The following TMEM38B variants were observed in gnomAD, a reference collection of about 807,000 sequenced individuals.
TMEM38B encodes the protein trimeric intracellular cation channel type B.
TMEM38B carries 24 observed loss-of-function variants against 28.7 expected under a neutral mutation model. The observed-to-expected ratio is 0.84, with a 90% CI of 0.61 to 1.18. The LOEUF (loss-of-function observed/expected upper bound fraction) is 1.18. TMEM38B is among the 50% of genes most tolerant of loss of function. The probability of loss-of-function intolerance (pLI) is 0.00; values close to 1 mark genes in which losing one functional copy is unlikely to be tolerated. For synonymous variants in TMEM38B, 131 were observed against 127.7 expected (o/e 1.03, Z -0.17); for missense variants, 380 against 350.9 (o/e 1.08, Z -0.66).
intron 2 of TMEM38B, among the ~76,000 whole-genome samples, chr9:105,717,237 A>C (rs1187455980): frequency 6.6e-6 from 1 of 152,198 alleles, no homozygotes; most frequent in Non-Finnish European, 1.5e-5. Flanking sequence ...CATTATCTTC[A>C]ACTTCATGAT....
intron 1 of TMEM38B, among the ~76,000 whole-genome samples, chr9:105,697,246 T>C (rs536713870): frequency 6.6e-6 from 1 of 152,324 alleles, no homozygotes; most frequent in Non-Finnish European, 1.5e-5. Flanking sequence ...AGCATTAATC[T>C]GTTTACTAAT....
intron 5 of TMEM38B, among the ~76,000 whole-genome samples, chr9:105,764,372 A>C (rs555113425): frequency 1.4e-3 from 208 of 152,246 alleles, no homozygotes; most frequent in African/African-American, 4.4e-3. Flanking sequence ...CTGATAAGCA[A>C]CTTCAGCAAA....
intron 5 of TMEM38B, 85 bp from the exon 6 acceptor site, chr9:105,773,780 T>G (rs377356068): frequency 7.5e-7 from 1 of 1,341,186 alleles, no homozygotes; most frequent in East Asian, 2.3e-5. Flanking sequence ...AATAATGCAT[T>G]TTGATTTTTT....
chr9:105,763,812 C>T (rs1242236383), intron 5 of TMEM38B, among the ~76,000 whole-genome samples: 2 of 151,670 alleles, frequency 1.3e-5, no homozygotes, highest in South Asian at 4.2e-4. Flanking sequence ...CCTTGATGAA[C>T]ATTGATGCAA....
rs757068271 is a variant in TMEM38B, at chr9:105,705,562, A to G, written c.113-35A>G. On this transcript the variant is annotated intron_variant, in intron 1 of 5. Coordinates refer to ENST00000374692, the MANE Select transcript of TMEM38B (RefSeq NM_018112.3). ...TTGGGGCTTGTTTAATAAATGTATA[A>G]TGATCACAGACCATATTTTACTTTA... 8.2e-6 allele frequency: 13 copies of G among 1,580,754 alleles called. No individual in the cohort carries two copies. The African/African-American group carries it at 9.5e-5, about 12-fold the overall frequency.
chr9:105,758,546 A>G (rs565113460), intron 5 of TMEM38B: 2 of 1,232,768 alleles, frequency 1.6e-6, no homozygotes, highest in Non-Finnish European at 2.4e-6. Context: ...AGACTATCCA[A>G]CTGTTGAGGA....
chr9:105,762,762 G>T (rs1466939990), intron 5 of TMEM38B, among the ~76,000 whole-genome samples: 1 of 148,532 alleles, frequency 6.7e-6, no homozygotes, highest in Non-Finnish European at 1.5e-5. Flanking sequence ...TAGTCCTTTG[G>T]GTATATACCC....
intron 5 of TMEM38B, among the ~76,000 whole-genome samples, chr9:105,762,874 A>G (rs1457634891): frequency 6.8e-6 from 1 of 146,022 alleles, no homozygotes; most frequent in East Asian, 2.0e-4. Flanking sequence ...AGTCCCACCA[A>G]CAGTGTAAAA....
At chr9:105,772,675 A>T (rs754195665) in intron 5 of TMEM38B, among the ~76,000 whole-genome samples, 30 of 152,094 alleles carry the variant, frequency 2.0e-4, no homozygotes, top group African/African-American at 4.6e-4. Flanking sequence ...TTTTTTTTTT[A>T]AAAATTGAGT....
intron 3 of TMEM38B, among the ~76,000 whole-genome samples, chr9:105,722,130 G>C (rs1836340822): frequency 6.6e-6 from 1 of 151,882 alleles, no homozygotes; most frequent in South Asian, 2.1e-4. Flanking sequence ...ATTGACTATG[G>C]GTTCATGATC....
In TMEM38B at chr9:105,721,771, T is replaced by A. The variant is rs549476634; in HGVS notation, c.454+50T>A. ...AAATATTCTGTTGTTGGTGTATTAT[T>A]AATACCATTACTGAACAATTCTCTA... On this transcript the variant is annotated intron_variant, in intron 3 of 5. Coordinates refer to ENST00000374692, the MANE Select transcript of TMEM38B (RefSeq NM_018112.3). 296 of 1,380,156 alleles carry A rather than the reference T, an allele frequency of 2.1e-4. No individual in the cohort carries two copies. In the African/African-American group the frequency reaches 2.5e-3, roughly 12 times the overall value. The allele number at this position is 1,380,156 out of a possible 1,614,324, so 85.5% of individuals were successfully genotyped here.
At chr9:105,720,995 T>A (rs183733005) in intron 2 of TMEM38B, among the ~76,000 whole-genome samples, 36 of 152,326 alleles carry the variant, frequency 2.4e-4, no homozygotes, top group African/African-American at 8.4e-4. Context: ...AAATGTGTTT[T>A]TCCTTAATAC....
In TMEM38B at chr9:105,776,216, G is replaced by C. The variant is rs1826716216; in HGVS notation, c.*2136G>C. 1 of 151,892 alleles carries C rather than the reference G, an allele frequency of 6.6e-6. No individual in the cohort carries two copies. Among genetic ancestry groups the C allele is most frequent in the Non-Finnish European group, 1.5e-5 (1 of 67,950 alleles). 9.4% of individuals were successfully genotyped at this position (151,892 alleles called of 1,614,324 possible). A position where few individuals can be genotyped will look rare whatever the true frequency, so the allele number is the denominator to read the frequency against. ...CTTAAAAAAAAAAAGGAGACAAAAA[G>C]CTGGCAAGAACATGAGCCAGCTTCC... On this transcript the variant is annotated 3_prime_UTR_variant, in exon 6 of 6. Transcript: ENST00000374692.
chr9:105,721,774 T>C, intron 3 of TMEM38B, 53 bp downstream of exon 3: 5 of 1,350,966 alleles, frequency 3.7e-6, no homozygotes, highest in Non-Finnish European at 5.1e-6. Flanking sequence ...GTATTATTAA[T>C]ACCATTACTG....
rs1836900867 is a variant in TMEM38B at position 105,734,633 on chromosome 9, A to G, written c.542+12012A>G. On this transcript the variant is annotated intron_variant, in intron 4 of 5. Transcript: ENST00000374692. ...TTGCTCCAATGTTGGGAACATATAT[A>G]TTTATAATTATTATGTCTTCTTGAT... 2.6e-5 allele frequency among the ~76,000 whole-genome samples: 4 copies of G among 152,056 alleles called. No individual in the cohort carries two copies. In the South Asian group the frequency reaches 8.3e-4, roughly 31 times the overall value.
intron 4 of TMEM38B, among the ~76,000 whole-genome samples, chr9:105,732,229 T>C (rs976257816): frequency 1.3e-4 from 20 of 152,208 alleles, no homozygotes; most frequent in African/African-American, 3.4e-4. Context: ...GATGGGTAGA[T>C]TGCAAAAATT....
At chr9:105,744,856 C>T (rs563790473) in intron 4 of TMEM38B, among the ~76,000 whole-genome samples, 21 of 152,088 alleles carry the variant, frequency 1.4e-4, no homozygotes, top group African/African-American at 4.3e-4. Flanking sequence ...TTGGTCCTTG[C>T]GATAGTTTGC....
At chr9:105,769,997 C>T (rs1220744417) in intron 5 of TMEM38B, among the ~76,000 whole-genome samples, 1 of 152,072 alleles carries the variant, frequency 6.6e-6, no homozygotes, top group Non-Finnish European at 1.5e-5. Flanking sequence ...GAAGTGTCTT[C>T]AGGTAATGTA....
intron 5 of TMEM38B, among the ~76,000 whole-genome samples, chr9:105,751,628 C>T (rs1837655670): frequency 6.6e-6 from 1 of 152,216 alleles, no homozygotes; most frequent in South Asian, 2.1e-4. Context: ...TAATTTAAGA[C>T]CCACTGGCTT....
Sources: gnomAD v4.1 joint callset for allele counts (sites outside exome capture counted in the v4.1 genomes callset) on GRCh38, gnomAD v4.1.1 for gene constraint, MANE v1.5 for transcripts, NCBI Gene and HGNC (gene_info 2026-07-23, HGNC 2026-07-21) for gene names.